SNX25: variants seen among roughly 807,000 people sequenced by gnomAD.
SNX25 encodes the protein sorting nexin-25.
In SNX25, 62 loss-of-function variants were observed where a neutral mutation model predicts 113.7. That is an observed-to-expected ratio of 0.55 (90% confidence interval 0.44 to 0.67). The LOEUF (loss-of-function observed/expected upper bound fraction) is 0.67, where lower values mean the gene tolerates loss of function less well. Ranked by LOEUF, SNX25 falls within the 30% of genes least tolerant of loss-of-function variation. SNX25 has a pLI of 0.00. For synonymous variants in SNX25, 421 were observed against 436.2 expected (o/e 0.97, Z 0.43); for missense variants, 1,014 against 1,161.0 (o/e 0.87, Z 1.84).
chr4:185,233,021 C>T (rs1314146461), intron 1 of SNX25, among the ~76,000 whole-genome samples: 1 of 152,194 alleles, frequency 6.6e-6, no homozygotes, highest in Non-Finnish European at 1.5e-5. Flanking sequence ...TGGTAGCTCA[C>T]ACCTGTTATG....
intron 5 of SNX25, among the ~76,000 whole-genome samples, chr4:185,276,771 G>A (rs529169691): frequency 5.3e-5 from 8 of 152,260 alleles, no homozygotes; most frequent in African/African-American, 9.6e-5. Context: ...TGCTTTCCCC[G>A]CCGCCCTGTC....
intron 9 of SNX25, among the ~76,000 whole-genome samples, chr4:185,328,838 CAGGT>C (rs2095174467): frequency 6.6e-6 from 1 of 151,976 alleles, no homozygotes; most frequent in Non-Finnish European, 1.5e-5. Context: ...GAACAGGTAA[CAGGT>C]AGAGAAGGAG....
chr4:185,369,783 G>A, exon 12 of SNX25: 1 of 442,622 alleles, frequency 2.3e-6, no homozygotes, highest in Non-Finnish European at 4.5e-6. Flanking sequence ...GTCTCCTAGA[G>A]ACCATGATTG....
At chr4:185,275,127 G>T (rs1237868564) in intron 5 of SNX25, among the ~76,000 whole-genome samples, 3 of 152,160 alleles carry the variant, frequency 2.0e-5, no homozygotes, top group Non-Finnish European at 4.4e-5. Context: ...AGAGAGGCAG[G>T]TAGTGATAAA....
intron 16 of SNX25, among the ~76,000 whole-genome samples, chr4:185,360,950 T>TATATATATATAGATATAGATAG: frequency 7.1e-6 from 1 of 141,760 alleles, no homozygotes; most frequent in Non-Finnish European, 1.5e-5. Flanking sequence ...TATATATATA[T>TATATATATATAGATATAGATAG]ATAGAATCTG....
intron 9 of SNX25, among the ~76,000 whole-genome samples, chr4:185,326,757 A>G (rs967774391): frequency 6.6e-6 from 1 of 152,242 alleles, no homozygotes; most frequent in East Asian, 1.9e-4. Context: ...TTAATGTTAA[A>G]CTCAATTTTT....
At chr4:185,316,314 A>G (rs1045071524) in intron 7 of SNX25, among the ~76,000 whole-genome samples, 4 of 152,208 alleles carry the variant, frequency 2.6e-5, no homozygotes, top group Non-Finnish European at 5.9e-5. Context: ...AGATGGTATT[A>G]TTCACATTTT....
chr4:185,240,359 C>T (rs1405126359), intron 1 of SNX25, among the ~76,000 whole-genome samples: 1 of 151,634 alleles, frequency 6.6e-6, no homozygotes, highest in African/African-American at 2.4e-5. Context: ...AGAGGCGCCT[C>T]TCACCTCCCG....
At chr4:185,265,716 T>C (rs1198773258) in intron 4 of SNX25, among the ~76,000 whole-genome samples, 1 of 152,254 alleles carries the variant, frequency 6.6e-6, no homozygotes, top group Non-Finnish European at 1.5e-5. Flanking sequence ...TTGACTCTTT[T>C]GTAATAACAT....
chr4:185,289,806 G>T (rs777390189), intron 6 of SNX25, among the ~76,000 whole-genome samples: 2 of 152,148 alleles, frequency 1.3e-5, no homozygotes, highest in Non-Finnish European at 2.9e-5. Flanking sequence ...GCCCCTCTTT[G>T]AGTTCAGTCA....
At chr4:185,344,709 T>C (rs1219660922) in intron 12 of SNX25, among the ~76,000 whole-genome samples, 1 of 152,198 alleles carries the variant, frequency 6.6e-6, no homozygotes, top group Non-Finnish European at 1.5e-5. Flanking sequence ...CAAAACCTCA[T>C]GGGCACCTCT....
chr4:185,213,882 T>A (rs1738335017), intron 1 of SNX25, among the ~76,000 whole-genome samples: 1 of 152,142 alleles, frequency 6.6e-6, no homozygotes, highest in Admixed American at 6.5e-5. Flanking sequence ...GTTTTTCTGT[T>A]GTGTAGTCTA....
At chr4:185,243,578 G>A (rs1194695108) in intron 1 of SNX25, among the ~76,000 whole-genome samples, 1 of 152,076 alleles carries the variant, frequency 6.6e-6, no homozygotes, top group Non-Finnish European at 1.5e-5. Flanking sequence ...CTCCAGCCTG[G>A]GTGGCACAGT....
intron 1 of SNX25, among the ~76,000 whole-genome samples, chr4:185,217,991 C>T (rs1035317118): frequency 6.6e-6 from 1 of 152,154 alleles, no homozygotes; most frequent in Non-Finnish European, 1.5e-5. Flanking sequence ...ATGGGGATGA[C>T]AGGTAGGTAG....
chr4:185,362,087 C>A lies in SNX25; in HGVS notation c.2815C>A (p.Leu939Met). ...QETKQRAQQK[L>M]LENIPDMLQS... ...AACAAAACAGAGAGCACAGCAAAAG[C>A]TGCTTGAAAACATTCCAGGTGAGGC... Residue 939 changes from leucine (L) to methionine (M), a missense_variant, in exon 17 of 19, where the codon CTG becomes ATG. Transcript: ENST00000652585. 1 of 1,613,058 alleles carries A rather than the reference C, an allele frequency of 6.2e-7. No individual in the cohort carries two copies. Among genetic ancestry groups the A allele is most frequent in the Non-Finnish European group, 8.5e-7 (1 of 1,179,396 alleles).
intron 9 of SNX25, 123 bp from the exon 10 acceptor site, chr4:185,332,472 T>G: frequency 1.1e-6 from 1 of 951,978 alleles, no homozygotes; most frequent in East Asian, 3.0e-5. Flanking sequence ...GCAGTCTAAA[T>G]TTTCTACTTT....
At chr4:185,214,757 T>C (rs371900939) in intron 1 of SNX25, among the ~76,000 whole-genome samples, 14 of 152,228 alleles carry the variant, frequency 9.2e-5, no homozygotes, top group African/African-American at 2.9e-4. Flanking sequence ...TTTCTGACCT[T>C]GTGAGATAAT....
chr4:185,222,713 T>C (rs940192096), intron 1 of SNX25, among the ~76,000 whole-genome samples: 1 of 152,196 alleles, frequency 6.6e-6, no homozygotes, highest in African/African-American at 2.4e-5. Flanking sequence ...TTGGATGATT[T>C]AGTAGGTAAG....
At chr4:185,207,865 T>C (rs1737256411), upstream of SNX25, 1 of 152,330 alleles carries the variant, frequency 6.6e-6, no homozygotes, top group Non-Finnish European at 1.5e-5. Flanking sequence ...TTAGTTACTA[T>C]TATGGTGAGC....
Sources: allele counts gnomAD v4.1 joint callset (sites outside exome capture counted in the v4.1 genomes callset), GRCh38; gene constraint gnomAD v4.1.1; transcripts MANE v1.5; gene names NCBI Gene and HGNC (gene_info 2026-07-23, HGNC 2026-07-21).